The following WDR41 variants were observed in gnomAD, a reference collection of about 807,000 sequenced individuals.
WDR41 encodes the protein WD repeat-containing protein 41.
Under a neutral mutation model 69.3 loss-of-function variants are expected in WDR41, and 63 were observed. The ratio of observed to expected loss-of-function variants is 0.91; its 90% CI spans 0.74 to 1.12. The LOEUF is 1.12. Ranked by LOEUF, WDR41 falls within the 50% of genes most tolerant of loss-of-function variation. The pLI is 0.00. For synonymous variants in WDR41, 185 were observed against 192.1 expected (o/e 0.96, Z 0.31); for missense variants, 543 against 534.5 (o/e 1.02, Z -0.16).
At chr5:77,593,250 A>G (rs1207641110) in intron 1 of WDR41, among the ~76,000 whole-genome samples, 1 of 152,156 alleles carries the variant, frequency 6.6e-6, no homozygotes, top group Non-Finnish European at 1.5e-5. Flanking sequence ...GAGCCTTTGG[A>G]GAGTTTTCAG....
chr5:77,481,486 C>T (rs958504304), intron 2 of WDR41, among the ~76,000 whole-genome samples: 2 of 151,968 alleles, frequency 1.3e-5, no homozygotes, highest in Non-Finnish European at 2.9e-5. Context: ...ACTGTGGGTA[C>T]ATATTAAAGC....
intron 10 of WDR41, 70 bp from the exon 11 acceptor site, chr5:77,437,494 A>G: frequency 7.4e-7 from 1 of 1,353,392 alleles, no homozygotes; most frequent in Non-Finnish European, 1.1e-6. Flanking sequence ...TTTGCAGTGA[A>G]AGAAATCAGT....
chr5:77,509,744 C>T (rs142142046), intron 1 of WDR41, among the ~76,000 whole-genome samples: 7 of 152,148 alleles, frequency 4.6e-5, no homozygotes, highest in East Asian at 1.9e-4. Context: ...CTTGAGGTGA[C>T]GAAAACCTAA....
intron 1 of WDR41, among the ~76,000 whole-genome samples, chr5:77,549,628 G>A (rs1010285523): frequency 9.9e-5 from 15 of 151,872 alleles, no homozygotes; most frequent in Admixed American, 8.5e-4. Context: ...TAGACAACAC[G>A]AACAAATGAA....
chr5:77,564,841 A>C (rs896769752), intron 1 of WDR41, among the ~76,000 whole-genome samples: 4 of 152,114 alleles, frequency 2.6e-5, no homozygotes, highest in African/African-American at 9.7e-5. Context: ...ACAGTCCCAT[A>C]ATGTATTTCA....
intron 1 of WDR41, among the ~76,000 whole-genome samples, chr5:77,535,832 C>T (rs1037916629): frequency 6.6e-6 from 1 of 152,196 alleles, no homozygotes; most frequent in African/African-American, 2.4e-5. Context: ...AAAGTGAGAA[C>T]AAATGAAGCC....
intron 8 of WDR41, among the ~76,000 whole-genome samples, chr5:77,443,283 C>T (rs1393996193): frequency 6.6e-6 from 1 of 152,138 alleles, no homozygotes; most frequent in Non-Finnish European, 1.5e-5. Context: ...CGTATTAAAA[C>T]ATCCTGTTAC....
intron 1 of WDR41, among the ~76,000 whole-genome samples, chr5:77,517,832 T>G (rs57052117): frequency 0.014 from 2,175 of 152,010 alleles, 37 homozygotes; most frequent in African/African-American, 0.041. Context: ...AAAATAATAA[T>G]AAGAAGAAAC....
chr5:77,580,682 A>G (rs1743922355), intron 1 of WDR41, among the ~76,000 whole-genome samples: 1 of 152,180 alleles, frequency 6.6e-6, no homozygotes, highest in Non-Finnish European at 1.5e-5. Flanking sequence ...TAGGCTGGGC[A>G]CGGTGGTTCA....
In WDR41 at chr5:77,431,831, T is replaced by C. The variant is rs1250644117; in HGVS notation, c.*1304A>G. 6.6e-6 allele frequency: 1 copy of C among 152,178 alleles called. No individual in the cohort carries two copies. Among genetic ancestry groups the C allele is most frequent in the Non-Finnish European group, 1.5e-5 (1 of 68,034 alleles). The allele number at this position is 152,178 out of a possible 1,614,324, so 9.4% of individuals were successfully genotyped here. On this transcript the variant is annotated 3_prime_UTR_variant, in exon 13 of 13. Transcript: ENST00000296679. Reference sequence around the variant, plus strand: ...TAGCTTAAGTTTTAATATTTCTCCATAGAACTTTTCATGACTCAATGTTGT... The same window carrying C: ...TAGCTTAAGTTTTAATATTTCTCCACAGAACTTTTCATGACTCAATGTTGT...
chr5:77,516,804 G>A (rs573138028), intron 1 of WDR41, among the ~76,000 whole-genome samples: 1 of 152,236 alleles, frequency 6.6e-6, no homozygotes, highest in Non-Finnish European at 1.5e-5. Flanking sequence ...GGATCACGAG[G>A]TCAGGAGATT....
chr5:77,433,784 G>A (rs370743284), intron 12 of WDR41, among the ~76,000 whole-genome samples: 2 of 152,158 alleles, frequency 1.3e-5, no homozygotes, highest in African/African-American at 2.4e-5. Flanking sequence ...GTACCAATGA[G>A]AGATTATGTA....
chr5:77,604,579 A>T (rs1744379996), intron 1 of WDR41, among the ~76,000 whole-genome samples: 1 of 152,198 alleles, frequency 6.6e-6, no homozygotes. Context: ...CTTGTGGAGG[A>T]TGTTTTGACA....
chr5:77,619,664 G>A (rs950454437), intron 1 of WDR41, among the ~76,000 whole-genome samples: 3 of 152,112 alleles, frequency 2.0e-5, no homozygotes, highest in Non-Finnish European at 4.4e-5. Flanking sequence ...GAAAACTCAG[G>A]GCAGGATATT....
At chr5:77,448,740 C>T (rs1360485082) in intron 8 of WDR41, among the ~76,000 whole-genome samples, 3 of 151,814 alleles carry the variant, frequency 2.0e-5, no homozygotes, top group African/African-American at 7.3e-5. Context: ...TGGTGATATG[C>T]GCCTGTAGTT....
chr5:77,612,464 T>C (rs1413058066), intron 1 of WDR41, among the ~76,000 whole-genome samples: 6 of 152,138 alleles, frequency 3.9e-5, no homozygotes, highest in East Asian at 1.9e-4. Context: ...TGGGCTTCAT[T>C]CCTGGGATGC....
At chr5:77,437,153 C>T (rs1379288921) in intron 11 of WDR41, among the ~76,000 whole-genome samples, 183 bp downstream of exon 11, 2 of 152,180 alleles carry the variant, frequency 1.3e-5, no homozygotes, top group Non-Finnish European at 2.9e-5. Context: ...GGCAGTTCTA[C>T]ATTAGGGCAG....
intron 1 of WDR41, among the ~76,000 whole-genome samples, chr5:77,500,163 T>A (rs1801996175): frequency 6.6e-6 from 1 of 152,144 alleles, no homozygotes; most frequent in South Asian, 2.1e-4. Context: ...CTTTAAAACA[T>A]ATTATAAAAA....
intron 2 of WDR41, among the ~76,000 whole-genome samples, chr5:77,478,909 T>C (rs1387726689): frequency 6.6e-6 from 1 of 151,882 alleles, no homozygotes; most frequent in East Asian, 1.9e-4. Flanking sequence ...GATGACATGA[T>C]TGTATATCTA....
Sources: allele counts gnomAD v4.1 joint callset (sites outside exome capture counted in the v4.1 genomes callset), GRCh38; gene constraint gnomAD v4.1.1; transcripts MANE v1.5; gene names NCBI Gene and HGNC (gene_info 2026-07-23, HGNC 2026-07-21).